Variants in MTRR observed in about 807,000 individuals in gnomAD.
The protein encoded by MTRR is methionine synthase reductase.
Under a neutral mutation model 79.2 loss-of-function variants are expected in MTRR, and 63 were observed. That is an observed-to-expected ratio of 0.80 (90% CI 0.65 to 0.98). MTRR has a LOEUF of 0.98. Ranked by LOEUF, MTRR falls within the 50% of genes least tolerant of loss-of-function variation. The pLI, the probability that MTRR is intolerant of heterozygous loss-of-function variation, is 0.00. For synonymous variants in MTRR, 355 were observed against 313.3 expected (o/e 1.13, Z -1.41); for missense variants, 895 against 839.6 (o/e 1.07, Z -0.82).
At position 7,857,545 on chromosome 5, in the gene MTRR, C is replaced by A. The variant is rs527739732; in HGVS notation, n.392-4406C>A. Among the ~76,000 whole-genome samples the A allele has an allele frequency of 5.9e-5, 9 of 152,328 alleles. No individual in the cohort carries two copies. The South Asian group carries it at 1.7e-3, about 28-fold the overall frequency. ...AGCCATTGACAATTGCGCCCCTAGA[C>A]CCTGCTCTCTTCCTTCTAAAACTCA... On this transcript the variant is annotated intron_variant and non_coding_transcript_variant, in intron 1 of 3. Transcript: ENST00000502509.
rs1481306384 is a variant in MTRR, at chr5:7,890,449, T to C, written c.1328-923T>C. The C allele has an allele frequency of 3.1e-6, 3 of 978,802 alleles. No homozygotes were observed. The African/African-American group carries it at 5.2e-5, about 17-fold the overall frequency. 60.6% of individuals were successfully genotyped at this position (978,802 alleles called of 1,614,324 possible). On this transcript the variant is annotated intron_variant, in intron 9 of 14. Transcript: ENST00000440940. ...TAAGTAGTATTAGAAAGTTCTCTTATCGCATACTAATTTATTTCAATTCTT... is the reference window on the plus strand; with the variant it reads ...TAAGTAGTATTAGAAAGTTCTCTTACCGCATACTAATTTATTTCAATTCTT...
At chr5:7,887,742 A>ATG (rs1736743940) in intron 8 of MTRR, among the ~76,000 whole-genome samples, 1 of 142,056 alleles carries the variant, frequency 7.0e-6, no homozygotes, top group Admixed American at 7.1e-5. Flanking sequence ...GTGTATATAT[A>ATG]TGTGTGTGTA....
chr5:7,853,569 G>C (rs1378349924), intron 1 of MTRR, among the ~76,000 whole-genome samples: 1 of 152,196 alleles, frequency 6.6e-6, no homozygotes. Context: ...GAGGGACCAA[G>C]AGGAGCAAGA....
At position 7,900,097 on chromosome 5, in the gene MTRR, T is replaced by C; in HGVS notation, c.*39T>C. 5 of 1,608,856 alleles carry C rather than the reference T, an allele frequency of 3.1e-6. No individual in the cohort carries two copies. Among genetic ancestry groups the C allele is most frequent in the Non-Finnish European group, 4.2e-6 (5 of 1,178,358 alleles). On this transcript the variant is annotated 3_prime_UTR_variant, in exon 15 of 15. Coordinates refer to ENST00000440940, the MANE Select transcript of MTRR (RefSeq NM_002454.3). The stretch of plus-strand genomic sequence containing the variant: ...AGAAAGAGGATTAAGCTTTTTTGAC[T>C]GAAAGTACTAAAAGTCAGCTTTACT...
intron 1 of MTRR, chr5:7,870,500 TA>T (rs752707724): frequency 3.3e-5 from 14 of 420,220 alleles, no homozygotes; most frequent in Non-Finnish European, 4.9e-5. Flanking sequence ...GGGTTGCACT[TA>T]GGAAACACAG....
chr5:7,856,776 T>C (rs1462302549), intron 1 of MTRR: 2 of 148,078 alleles, frequency 1.4e-5, no homozygotes, highest in Admixed American at 1.3e-4. Flanking sequence ...TTTTATTTAT[T>C]TTTTTTTTAG....
chr5:7,859,218 G>A (rs550276636), intron 1 of MTRR: 2 of 322,770 alleles, frequency 6.2e-6, no homozygotes, highest in Non-Finnish European at 1.1e-5. Flanking sequence ...ATTGTTTGAT[G>A]TACAAAAAGT....
In MTRR at chr5:7,892,873, A is replaced by G. The variant is rs572087295; in HGVS notation, c.1517A>G (p.His506Arg). The G allele has an allele frequency of 3.0e-5, 48 of 1,614,128 alleles. No homozygotes were observed. Among genetic ancestry groups the G allele is most frequent in the Non-Finnish European group, 4.1e-5 (48 of 1,180,048 alleles). ...GCTTCAGTTCTTCAGCCAAACATACATGCATCCCATGAAGACAGCGGGAAA... is the reference window on the plus strand; with the variant it reads ...GCTTCAGTTCTTCAGCCAAACATACGTGCATCCCATGAAGACAGCGGGAAA... ...LVASVLQPNI[H>R]ASHEDSGKAL... The change falls in exon 11 of 15, where the codon CAT becomes CGT. Residue 506 changes from histidine to arginine, a missense_variant. Physicochemically the swap from His to Arg is conservative, Grantham distance 29. Transcript: ENST00000440940.
At chr5:7,850,882 G>C, upstream of MTRR, 1 of 1,329,056 alleles carries the variant, frequency 7.5e-7, no homozygotes, top group Non-Finnish European at 9.7e-7. Context: ...CACCCGCGCC[G>C]GGCGGTAGTA....
rs545078947 is a variant in MTRR at position 7,869,198 on chromosome 5, C to G, written c.-43C>G. 1 of 1,609,286 alleles carries G rather than the reference C, an allele frequency of 6.2e-7. No homozygotes were observed. The highest frequency in any genetic ancestry group is 2.2e-5 in the East Asian group (1 of 44,862). On this transcript the variant is annotated 5_prime_UTR_variant, in exon 1 of 15. Coordinates refer to ENST00000440940, the MANE Select transcript of MTRR (RefSeq NM_002454.3). ...GAAGTCGCGTTGTGCAGGTTCGTGC[C>G]CGGCTGGCGCGGCGTGGGTAAGCTG...
chr5:7,870,089 C>G, intron 1 of MTRR: 5 of 985,014 alleles, frequency 5.1e-6, no homozygotes, highest in Non-Finnish European at 6.0e-6. Context: ...CTGCTTATCT[C>G]TTGCGGAAAA....
At chr5:7,879,547 G>A (rs984296061) in intron 5 of MTRR, among the ~76,000 whole-genome samples, 2 of 150,716 alleles carry the variant, frequency 1.3e-5, no homozygotes, top group Admixed American at 6.6e-5. Flanking sequence ...TAATAATGTA[G>A]TTAAAAGATT....
intron 2 of MTRR, chr5:7,862,712 C>G: frequency 1.1e-6 from 1 of 909,626 alleles, no homozygotes; most frequent in Non-Finnish European, 1.7e-6. Context: ...AGGGAAGGGA[C>G]CATTCCATTT....
upstream of MTRR, chr5:7,867,686 G>T: frequency 6.2e-7 from 1 of 1,614,108 alleles, no homozygotes; most frequent in Non-Finnish European, 8.5e-7. Context: ...TCGTTGTAAA[G>T]CTCCTGCTGC....
At chr5:7,887,791 T>G (rs368560714) in intron 8 of MTRR, among the ~76,000 whole-genome samples, 1 of 58,544 alleles carries the variant, frequency 1.7e-5, no homozygotes, top group African/African-American at 7.4e-5. Flanking sequence ...TGTGTGTGTG[T>G]GCATATATAT....
At chr5:7,884,676 C>G (rs1173421353) in intron 6 of MTRR, among the ~76,000 whole-genome samples, 1 of 152,076 alleles carries the variant, frequency 6.6e-6, no homozygotes, top group South Asian at 2.1e-4. Context: ...CCTTCCTACC[C>G]TCCACACCCT....
chr5:7,880,718 T>G (rs1579682221), intron 5 of MTRR, among the ~76,000 whole-genome samples: 2 of 152,196 alleles, frequency 1.3e-5, no homozygotes, highest in East Asian at 3.9e-4. Flanking sequence ...ATGATAGATC[T>G]TAACGTCATA....
Position 7,891,391 on chromosome 5 carries a change from A to T in MTRR, c.1347A>T (p.Gln449His), listed in dbSNP as rs747568149. The T allele has an allele frequency of 1.2e-6, 2 of 1,609,900 alleles. No individual in the cohort carries two copies. Among genetic ancestry groups the T allele is most frequent in the African/African-American group, 2.7e-5 (2 of 74,414 alleles). ...SLLLEHLPKL[Q>H]PRPYSCASSS... ...TTCTAGAACATCTTCCTAAACTTCA[A>T]CCCAGACCATATTCGTGTGCAAGGT... Residue 449 changes from glutamine to histidine, a missense_variant, in exon 10 of 15, where the codon CAA becomes CAT. Gln to His is a conservative substitution (Grantham distance 24). Transcript: ENST00000440940.
upstream of MTRR, chr5:7,850,871 TCAC>T: frequency 7.6e-7 from 1 of 1,321,346 alleles, no homozygotes; most frequent in Non-Finnish European, 9.7e-7. Flanking sequence ...TCCGCGGTCC[TCAC>T]CCGCGCCGGG....
Sources: gnomAD v4.1 joint callset for allele counts (sites outside exome capture counted in the v4.1 genomes callset) on GRCh38, gnomAD v4.1.1 for gene constraint, MANE v1.5 for transcripts, NCBI Gene and HGNC (gene_info 2026-07-23, HGNC 2026-07-21) for gene names.